Variants in ARHGEF9 observed in about 807,000 individuals in gnomAD.
The protein encoded by ARHGEF9 is Cdc42 guanine nucleotide exchange factor 9, also known as rho guanine nucleotide exchange factor 9.
In ARHGEF9, 2 loss-of-function variants were observed where a neutral mutation model predicts 41.3. That is an observed-to-expected ratio of 0.05 (90% CI 0.02 to 0.15). The LOEUF (loss-of-function observed/expected upper bound fraction) is 0.15, where lower values mean the gene tolerates loss of function less well. ARHGEF9 is among the 10% of genes least tolerant of loss of function. The pLI is 1.00. For missense variants in ARHGEF9, 225 were observed against 424.7 expected, an observed-to-expected ratio of 0.53 and a Z score of 4.13; for synonymous variants, 160 against 154.4, an observed-to-expected ratio of 1.04 and a Z score of -0.27.
chrX:63,718,818 T>C (rs1255549192), intron 2 of ARHGEF9, among the ~76,000 whole-genome samples: 11 of 111,661 alleles, frequency 9.9e-5, no homozygotes, highest in African/African-American at 2.3e-4. Flanking sequence ...TTAGCTCTGG[T>C]CCTGCCTGGA....
intron 4 of ARHGEF9, among the ~76,000 whole-genome samples, chrX:63,679,056 T>C (rs1556366135): frequency 8.9e-6 from 1 of 112,053 alleles, no homozygotes; most frequent in African/African-American, 3.2e-5. Context: ...AAAATGTCCC[T>C]AAGGAAACAC....
intron 1 of ARHGEF9, among the ~76,000 whole-genome samples, chrX:63,735,725 C>G (rs1455945096): frequency 8.9e-6 from 1 of 111,931 alleles, no homozygotes; most frequent in Non-Finnish European, 1.9e-5. Flanking sequence ...ACCTTTACGT[C>G]TACTGAGCAT....
At chrX:63,725,979 G>A (rs1202403302) in intron 1 of ARHGEF9, among the ~76,000 whole-genome samples, 1 of 112,266 alleles carries the variant, frequency 8.9e-6, no homozygotes, top group African/African-American at 3.2e-5. Flanking sequence ...CCTCCAACAT[G>A]CTAGCCACAG....
At chrX:63,685,123 T>C (rs782308987) in intron 4 of ARHGEF9, among the ~76,000 whole-genome samples, 1 of 111,556 alleles carries the variant, frequency 9.0e-6, no homozygotes, top group Non-Finnish European at 1.9e-5. Context: ...AAATTTTAGA[T>C]ACTATTACCA....
At chrX:63,694,019 C>T (rs2051562820) in intron 4 of ARHGEF9, among the ~76,000 whole-genome samples, 1 of 110,302 alleles carries the variant, frequency 9.1e-6, no homozygotes, top group Non-Finnish European at 1.9e-5. Context: ...CCCATCTCTA[C>T]TAAAAAGACA....
chrX:63,710,036 G>GA (rs1181397917), intron 2 of ARHGEF9, among the ~76,000 whole-genome samples: 3 of 108,959 alleles, frequency 2.8e-5, no homozygotes, highest in African/African-American at 1.0e-4. Context: ...AGTTAAAATA[G>GA]AAAAAATAGA....
At chrX:63,764,995 G>T (rs782204341) in intron 1 of ARHGEF9, among the ~76,000 whole-genome samples, 31 of 111,692 alleles carry the variant, frequency 2.8e-4, no homozygotes, top group Non-Finnish European at 5.3e-4. Context: ...CAACACAAAA[G>T]AATTGTCATA....
intron 7 of ARHGEF9, among the ~76,000 whole-genome samples, 193 bp downstream of exon 7, chrX:63,665,693 G>T (rs2049488960): frequency 8.9e-6 from 1 of 112,212 alleles, no homozygotes; most frequent in South Asian, 3.7e-4. Flanking sequence ...GTTTTTCACT[G>T]CCCACAAGCC....
intron 7 of ARHGEF9, among the ~76,000 whole-genome samples, chrX:63,662,811 C>A (rs1180477473): frequency 2.7e-5 from 3 of 111,820 alleles, no homozygotes; most frequent in Admixed American, 9.5e-5. Context: ...TTCATTAATA[C>A]TTTATTGTTG....
At chrX:63,728,657 G>T (rs1440464833) in intron 1 of ARHGEF9, among the ~76,000 whole-genome samples, 1 of 112,072 alleles carries the variant, frequency 8.9e-6, no homozygotes, top group Non-Finnish European at 1.9e-5. Flanking sequence ...GCAAAATGGG[G>T]GTAATAATGT....
intron 5 of ARHGEF9, among the ~76,000 whole-genome samples, chrX:63,676,942 C>T (rs1415911802): frequency 8.9e-6 from 1 of 112,201 alleles, no homozygotes; most frequent in East Asian, 2.8e-4. Flanking sequence ...GAAAGTTCTA[C>T]TGGGCAGTCC....
At chrX:63,772,199 T>C (rs1333615089) in intron 1 of ARHGEF9, among the ~76,000 whole-genome samples, 1 of 112,044 alleles carries the variant, frequency 8.9e-6, no homozygotes, top group African/African-American at 3.3e-5. Context: ...GTCATCTTCC[T>C]TGTTACCTCT....
At chrX:63,661,149 C>T (rs1556341042) in intron 7 of ARHGEF9, among the ~76,000 whole-genome samples, 1 of 112,239 alleles carries the variant, frequency 8.9e-6, no homozygotes, top group East Asian at 2.8e-4. Context: ...CTTTCTGCTC[C>T]AGCCCCATCT....
At chrX:63,655,123 C>T (rs781791602) in intron 8 of ARHGEF9, among the ~76,000 whole-genome samples, 20 of 112,240 alleles carry the variant, frequency 1.8e-4, no homozygotes, top group South Asian at 3.7e-4. Context: ...TCTGAAGTAT[C>T]CTAATCAGGA....
intron 4 of ARHGEF9, among the ~76,000 whole-genome samples, chrX:63,680,601 C>T (rs781823678): frequency 1.8e-5 from 2 of 112,398 alleles, no homozygotes; most frequent in Non-Finnish European, 3.8e-5. Flanking sequence ...AGTGATCTGC[C>T]GTGGCCTCTT....
At position 63,655,767 on chromosome X, in the gene ARHGEF9, G is replaced by A. The variant is rs55880123; in HGVS notation, c.1078-30C>T. ...ATGGGAAGGAAGAGGTTTCTTGAAGGTATGTGCACGGCGAGTACTAGAAGA... is the reference window on the plus strand; with the variant it reads ...ATGGGAAGGAAGAGGTTTCTTGAAGATATGTGCACGGCGAGTACTAGAAGA... On this transcript the variant is annotated intron_variant, in intron 7 of 9. Transcript: ENST00000671741. The A allele has an allele frequency of 3.3e-6, 4 of 1,199,755 alleles. No homozygotes were observed. The African/African-American group carries it at 7.0e-5, about 21-fold the overall frequency.
chrX:63,698,753 G>A (rs782363906), intron 3 of ARHGEF9, among the ~76,000 whole-genome samples: 6 of 111,412 alleles, frequency 5.4e-5, no homozygotes, highest in African/African-American at 2.0e-4. Context: ...CTCCAATTTA[G>A]CCATTAATTA....
At chrX:63,669,167 T>G (rs1426110723) in intron 6 of ARHGEF9, among the ~76,000 whole-genome samples, 1 of 111,956 alleles carries the variant, frequency 8.9e-6, no homozygotes, top group Admixed American at 9.5e-5. Flanking sequence ...CCTCTCATTG[T>G]TTAGAGATCT....
chrX:63,779,769 G>C (rs1207124200), intron 1 of ARHGEF9, among the ~76,000 whole-genome samples: 1 of 111,668 alleles, frequency 9.0e-6, no homozygotes, highest in African/African-American at 3.3e-5. Context: ...CTGACTACAA[G>C]CCCTTAGATT....
Sources: allele counts gnomAD v4.1 joint callset (sites outside exome capture counted in the v4.1 genomes callset), GRCh38; gene constraint gnomAD v4.1.1; transcripts MANE v1.5; gene names NCBI Gene and HGNC (gene_info 2026-07-23, HGNC 2026-07-21).